Variants in CSGALNACT2 observed in about 807,000 individuals in gnomAD.
The protein encoded by CSGALNACT2 is chondroitin sulfate N-acetylgalactosaminyltransferase 2.
In CSGALNACT2, 35 loss-of-function variants were observed where a neutral mutation model predicts 55.3. That is an observed-to-expected ratio of 0.63 (90% CI 0.48 to 0.84). The LOEUF (loss-of-function observed/expected upper bound fraction) is 0.84, where lower values mean the gene tolerates loss of function less well. Among genes scored for constraint, CSGALNACT2 ranks in the 40% least tolerant of loss-of-function variants. The pLI is 0.00. For synonymous variants in CSGALNACT2, 196 were observed against 224.9 expected, an observed-to-expected ratio of 0.87 and a Z score of 1.15; for missense variants, 544 against 657.5, an observed-to-expected ratio of 0.83 and a Z score of 1.89.
chr10:43,162,308 A>G, intron 4 of CSGALNACT2: 1 of 724,232 alleles, frequency 1.4e-6, no homozygotes. Flanking sequence ...TCCAGTTGAG[A>G]AAATCCCAGG....
chr10:43,166,832 T>A (rs1322617385), intron 5 of CSGALNACT2, among the ~76,000 whole-genome samples, 172 bp from the exon 6 acceptor site: 3 of 152,234 alleles, frequency 2.0e-5, no homozygotes, highest in Admixed American at 2.0e-4. Flanking sequence ...CCTACTGATA[T>A]GTTACAAAAT....
rs537855756 is a variant in CSGALNACT2 at position 43,185,058 on chromosome 10, T to G, written c.*1516T>G. The G allele has an allele frequency of 6.6e-6, 1 of 152,140 alleles. No homozygotes were observed. The highest frequency in any genetic ancestry group is 2.1e-4 in the South Asian group (1 of 4,832). The allele number at this position is 152,140 out of a possible 1,614,324, so 9.4% of individuals were successfully genotyped here. The stretch of plus-strand genomic sequence containing the variant: ...AAATAATTCAGGCCACTGTCTCCTT[T>G]TATATATTATTATAATTATTTATTA... On this transcript the variant is annotated 3_prime_UTR_variant, in exon 8 of 8. Transcript: ENST00000374466.
chr10:43,184,109 C>T lies in CSGALNACT2; in HGVS notation c.*567C>T, dbSNP rs936103736. ...AAAGGTAGAACTAAAAACTCCTTAA[C>T]TTACTGTTGCTTACACCCCTGAAAG... On this transcript the variant is annotated 3_prime_UTR_variant, in exon 8 of 8. Transcript: ENST00000374466. 3 of 153,354 alleles carry T rather than the reference C, an allele frequency of 2.0e-5. No homozygotes were observed. Among genetic ancestry groups the T allele is most frequent in the African/African-American group, 7.2e-5 (3 of 41,452 alleles). The allele number at this position is 153,354 out of a possible 1,614,324, so 9.5% of individuals were successfully genotyped here.
intron 7 of CSGALNACT2, among the ~76,000 whole-genome samples, chr10:43,176,754 G>A (rs1410333905): frequency 6.6e-6 from 1 of 152,128 alleles, no homozygotes; most frequent in Non-Finnish European, 1.5e-5. Context: ...TTTTGTAGAG[G>A]CGGAGCTTCA....
chr10:43,167,199 C>T, intron 6 of CSGALNACT2, 101 bp downstream of exon 6: 1 of 747,656 alleles, frequency 1.3e-6, no homozygotes, highest in South Asian at 1.6e-5. Flanking sequence ...ACTGTATTTC[C>T]ATGAGCAAAG....
At chr10:43,141,835 A>T (rs536046337) in intron 1 of CSGALNACT2, among the ~76,000 whole-genome samples, 4 of 152,280 alleles carry the variant, frequency 2.6e-5, no homozygotes, top group Admixed American at 6.5e-5. Context: ...AGAAATAAGT[A>T]TCAGAGGACA....
intron 2 of CSGALNACT2, among the ~76,000 whole-genome samples, chr10:43,158,132 G>C (rs1466186918): frequency 1.3e-5 from 2 of 150,146 alleles, no homozygotes; most frequent in Non-Finnish European, 1.5e-5. Context: ...ATTTTTCTTT[G>C]ACTTCACTCT....
chr10:43,166,578 G>T (rs566049458), intron 5 of CSGALNACT2, among the ~76,000 whole-genome samples: 11 of 152,258 alleles, frequency 7.2e-5, no homozygotes, highest in African/African-American at 2.4e-4. Flanking sequence ...TCTATTCATT[G>T]TACAGTATTC....
intron 1 of CSGALNACT2, among the ~76,000 whole-genome samples, chr10:43,142,246 C>G (rs918329831): frequency 1.3e-5 from 2 of 151,998 alleles, no homozygotes; most frequent in Admixed American, 1.3e-4. Context: ...GAGTCTCACT[C>G]TGTTGCCCAG....
intron 1 of CSGALNACT2, among the ~76,000 whole-genome samples, chr10:43,139,840 C>T (rs1329349179): frequency 6.6e-6 from 1 of 152,194 alleles, no homozygotes; most frequent in Non-Finnish European, 1.5e-5. Context: ...TAATATGTGA[C>T]TACTCTTCAG....
chr10:43,151,999 G>A (rs191915816), intron 1 of CSGALNACT2, among the ~76,000 whole-genome samples: 212 of 152,286 alleles, frequency 1.4e-3, no homozygotes, highest in African/African-American at 4.7e-3. Flanking sequence ...CATCTTGGTC[G>A]TAAAAGGAAG....
In CSGALNACT2 at chr10:43,155,041, G is replaced by C; in HGVS notation, c.-109G>C. The C allele has an allele frequency of 1.1e-6, 1 of 943,202 alleles. No homozygotes were observed. The highest frequency in any genetic ancestry group is 1.6e-6 in the Non-Finnish European group (1 of 629,812). 58.4% of individuals were successfully genotyped at this position (943,202 alleles called of 1,614,324 possible). ...GAAAGAAAAACTTAAAGCTACGGCA[G>C]AATTATTTTATGGAAATTCTGATTT... is the stretch of plus-strand genomic sequence containing the variant. On this transcript the variant is annotated 5_prime_UTR_variant, in exon 2 of 8. Transcript: ENST00000374466.
At position 43,163,474 on chromosome 10, in the gene CSGALNACT2, A is replaced by C. The variant is rs145529346; in HGVS notation, c.981-392A>C. ...GGGAGGATCCCTCTGATAAGGCGAC[A>C]TGTGTGCAAAGACCTAACGGATGCA... On this transcript the variant is annotated intron_variant, in intron 4 of 7. Transcript: ENST00000374466. 66 of 974,414 alleles carry C rather than the reference A, an allele frequency of 6.8e-5. 1 individual carries two copies. In the African/African-American group the frequency reaches 1.1e-3, roughly 16 times the overall value. The allele number at this position is 974,414 out of a possible 1,614,324, so 60.4% of individuals were successfully genotyped here. A position where few individuals can be genotyped will look rare whatever the true frequency, so the allele number is the denominator to read the frequency against.
Position 43,163,633 on chromosome 10 carries a change from A to G in CSGALNACT2, c.981-233A>G, listed in dbSNP as rs138814258. On this transcript the variant is annotated intron_variant, in intron 4 of 7. Transcript: ENST00000374466. ...ATTCCAAAGGTCAGTGGCCACTTTA[A>G]CACTTTTGGAGCCTCATACCACCAA... 4.1e-6 allele frequency: 4 copies of G among 985,406 alleles called. No homozygotes were observed. In the East Asian group the frequency reaches 4.5e-4, roughly 112 times the overall value. 61.0% of individuals were successfully genotyped at this position (985,406 alleles called of 1,614,324 possible).
At chr10:43,183,202 C>G in intron 7 of CSGALNACT2, 48 bp from the exon 8 acceptor site, 1 of 1,395,572 alleles carries the variant, frequency 7.2e-7, no homozygotes, top group South Asian at 1.2e-5. Context: ...TCCCTGTGCT[C>G]TGGCTAATAA....
chr10:43,147,384 A>G (rs989803687), intron 1 of CSGALNACT2, among the ~76,000 whole-genome samples: 13 of 152,222 alleles, frequency 8.5e-5, no homozygotes, highest in Non-Finnish European at 1.8e-4. Context: ...TATTCTTGGT[A>G]CAAGTCCTTT....
At position 43,143,494 on chromosome 10, in the gene CSGALNACT2, TGTGTG is replaced by T. The variant is rs1422848940; in HGVS notation, c.-254+4928_-254+4932del. Among the ~76,000 whole-genome samples the T allele has an allele frequency of 4.2e-4, 3 of 7,116 alleles. No homozygotes were observed. The African/African-American group carries it at 4.5e-3, about 11-fold the overall frequency. 4.7% of individuals were successfully genotyped at this position (7,116 alleles called of 152,430 possible). On this transcript the variant is annotated intron_variant, in intron 1 of 7. Coordinates refer to ENST00000374466, the MANE Select transcript of CSGALNACT2 (RefSeq NM_018590.5). The stretch of plus-strand genomic sequence containing the variant: ...TTAAATCAAGTTTGCTCTCCAAAAA[TGTGTG>T]TGTGTGTGTGTGTGTGTGTGTGTGT...
chr10:43,155,537 A>G lies in CSGALNACT2; in HGVS notation c.388A>G (p.Lys130Glu). 3.1e-6 allele frequency: 5 copies of G among 1,614,208 alleles called. No individual in the cohort carries two copies. Among genetic ancestry groups the G allele is most frequent in the Non-Finnish European group, 4.2e-6 (5 of 1,180,036 alleles). ...AGAGTTTCTTCATTCCCAAATTGAC[A>G]AAGCTGAAGTTAGCATAGGGGCCAA... ...LLEFLHSQID[K>E]AEVSIGAKLP... The change falls in exon 2 of 8, where the codon AAA (lysine) becomes GAA (glutamate). Residue 130 changes from lysine (K) to glutamate (E), a missense_variant. Transcript: ENST00000374466.
intron 1 of CSGALNACT2, among the ~76,000 whole-genome samples, chr10:43,149,299 A>T (rs1467167575): frequency 6.6e-6 from 1 of 151,974 alleles, no homozygotes; most frequent in African/African-American, 2.4e-5. Flanking sequence ...GCTAGCCAGG[A>T]TGGTCTCTAT....
Sources: allele counts gnomAD v4.1 joint callset (sites outside exome capture counted in the v4.1 genomes callset), GRCh38; gene constraint gnomAD v4.1.1; transcripts MANE v1.5; gene names NCBI Gene and HGNC (gene_info 2026-07-23, HGNC 2026-07-21).